The following MAGI2 variants were observed in gnomAD, a reference collection of about 807,000 sequenced individuals.
The protein encoded by MAGI2 is membrane associated guanylate kinase, WW and PDZ domain containing 2, also known as membrane-associated guanylate kinase, WW and PDZ domain-containing protein 2.
MAGI2 carries 35 observed loss-of-function variants against 133.3 expected under a neutral mutation model. The ratio of observed to expected loss-of-function variants is 0.26; its 90% CI spans 0.20 to 0.35. The LOEUF (loss-of-function observed/expected upper bound fraction) is 0.35, where lower values mean the gene tolerates loss of function less well. Ranked by LOEUF, MAGI2 falls within the 10% of genes least tolerant of loss-of-function variation. The pLI, the probability that MAGI2 is intolerant of heterozygous loss-of-function variation, is 1.00. For synonymous variants in MAGI2, 729 were observed against 710.6 expected, an observed-to-expected ratio of 1.03 and a Z score of -0.41; for missense variants, 1,636 against 1,863.4, an observed-to-expected ratio of 0.88 and a Z score of 2.25.
chr7:78,143,960 C>A (rs1207430105), intron 16 of MAGI2, among the ~76,000 whole-genome samples: 1 of 139,194 alleles, frequency 7.2e-6, no homozygotes, highest in African/African-American at 2.6e-5. Flanking sequence ...TCTTTTGTTT[C>A]TGTCTTTAAA....
At chr7:78,455,169 GGGT>G (rs1186226644) in intron 6 of MAGI2, among the ~76,000 whole-genome samples, 6 of 137,616 alleles carry the variant, frequency 4.4e-5, no homozygotes, top group Non-Finnish European at 9.0e-5. Flanking sequence ...TGTGGAGGGA[GGGT>G]GGGGCAGGTA....
At chr7:78,601,550 T>G (rs552518161) in intron 3 of MAGI2, among the ~76,000 whole-genome samples, 9 of 152,208 alleles carry the variant, frequency 5.9e-5, no homozygotes, top group Non-Finnish European at 1.5e-5. Flanking sequence ...TTCGAGATAT[T>G]GCAAAAATCC....
chr7:79,205,647 A>T (rs1202945899), intron 1 of MAGI2, among the ~76,000 whole-genome samples: 1 of 151,554 alleles, frequency 6.6e-6, no homozygotes, highest in Non-Finnish European at 1.5e-5. Flanking sequence ...CAAAACTATT[A>T]AAAAAAAGAC....
chr7:78,242,534 C>CT (rs1279783789), intron 10 of MAGI2, among the ~76,000 whole-genome samples: 2 of 152,160 alleles, frequency 1.3e-5, no homozygotes, highest in Non-Finnish European at 1.5e-5. Context: ...GTCATATATG[C>CT]TTTTTTGCTG....
At chr7:78,180,060 G>GTT (rs1472607071) in intron 13 of MAGI2, among the ~76,000 whole-genome samples, 5 of 152,188 alleles carry the variant, frequency 3.3e-5, no homozygotes, top group Admixed American at 2.0e-4. Context: ...ACAAGTTGAG[G>GTT]ATAATACAAC....
chr7:78,071,943 A>G (rs1190841378), intron 21 of MAGI2, among the ~76,000 whole-genome samples: 2 of 152,194 alleles, frequency 1.3e-5, no homozygotes, highest in African/African-American at 4.8e-5. Flanking sequence ...ACTTCCATCA[A>G]CGTGGTCTCT....
intron 16 of MAGI2, among the ~76,000 whole-genome samples, chr7:78,136,691 C>T (rs987428719): frequency 2.6e-5 from 4 of 152,232 alleles, no homozygotes; most frequent in African/African-American, 9.6e-5. Flanking sequence ...CCTATGGAAT[C>T]AGGTACTGCT....
At chr7:79,120,483 A>T (rs569405573) in intron 1 of MAGI2, among the ~76,000 whole-genome samples, 1 of 151,942 alleles carries the variant, frequency 6.6e-6, no homozygotes, top group Non-Finnish European at 1.5e-5. Flanking sequence ...CAACTAAAAA[A>T]CCCTTTACAT....
At chr7:78,595,987 T>C (rs1267677025) in intron 3 of MAGI2, among the ~76,000 whole-genome samples, 1 of 152,196 alleles carries the variant, frequency 6.6e-6, no homozygotes, top group African/African-American at 2.4e-5. Flanking sequence ...TATGCATGAA[T>C]TGGGATCAAA....
At chr7:78,840,696 A>G (rs1792058371) in intron 2 of MAGI2, among the ~76,000 whole-genome samples, 1 of 152,064 alleles carries the variant, frequency 6.6e-6, no homozygotes, top group South Asian at 2.1e-4. Flanking sequence ...AATGTTACCA[A>G]CATCAAAGAG....
intron 9 of MAGI2, among the ~76,000 whole-genome samples, chr7:78,302,713 T>A (rs570106875): frequency 5.9e-5 from 9 of 152,210 alleles, no homozygotes; most frequent in Non-Finnish European, 1.3e-4. Flanking sequence ...TTTAAGGAAC[T>A]CAGTGATATC....
Position 79,080,261 on chromosome 7 carries a change from A to G in MAGI2, c.302-73055T>C, listed in dbSNP as rs978192986. On this transcript the variant is annotated intron_variant, in intron 1 of 21. Transcript: ENST00000354212. ...ATTCATTTTTCGACAGTCCAAAATG[A>G]AATGTACAATCAATGACACAATGTT... Among the ~76,000 whole-genome samples the G allele has an allele frequency of 1.4e-4, 21 of 152,280 alleles. No homozygotes were observed. The South Asian group carries it at 1.7e-3, about 12-fold the overall frequency.
chr7:78,804,617 C>T (rs182440461), intron 2 of MAGI2, among the ~76,000 whole-genome samples: 1,670 of 151,430 alleles, frequency 0.011, 36 homozygotes, highest in African/African-American at 0.037. Context: ...GGCATGGTGG[C>T]GGGCGCCTGT....
chr7:79,235,865 A>T (rs765709313), intron 1 of MAGI2, among the ~76,000 whole-genome samples: 2 of 152,160 alleles, frequency 1.3e-5, no homozygotes, highest in Non-Finnish European at 2.9e-5. Context: ...TTTAGCTAGA[A>T]CTTTGTTTGC....
At chr7:78,794,126 C>A (rs1787401758) in intron 2 of MAGI2, among the ~76,000 whole-genome samples, 1 of 152,178 alleles carries the variant, frequency 6.6e-6, no homozygotes, top group Non-Finnish European at 1.5e-5. Flanking sequence ...ACACTTATAT[C>A]CTTTTTATCC....
intron 1 of MAGI2, among the ~76,000 whole-genome samples, chr7:79,239,032 G>C (rs1012991178): frequency 1.3e-5 from 2 of 152,048 alleles, no homozygotes; most frequent in Admixed American, 1.3e-4. Flanking sequence ...CATTCATTAG[G>C]AAATAATGTT....
chr7:78,351,145 A>G (rs1049645739), intron 7 of MAGI2, among the ~76,000 whole-genome samples: 1 of 152,136 alleles, frequency 6.6e-6, no homozygotes, highest in Non-Finnish European at 1.5e-5. Context: ...GAATAAATAC[A>G]TGAATGGAGC....
intron 2 of MAGI2, among the ~76,000 whole-genome samples, chr7:78,954,288 C>T (rs1802116897): frequency 6.6e-6 from 1 of 152,080 alleles, no homozygotes; most frequent in Admixed American, 6.6e-5. Context: ...CTGTAATATG[C>T]TTCTTTTTCA....
chr7:79,074,739 G>A (rs539147986), intron 1 of MAGI2, among the ~76,000 whole-genome samples: 4 of 152,256 alleles, frequency 2.6e-5, no homozygotes, highest in Non-Finnish European at 2.9e-5. Flanking sequence ...ACATGTTGTC[G>A]GAAAGTCAAA....
Sources: gnomAD v4.1 joint callset for allele counts (sites outside exome capture counted in the v4.1 genomes callset) on GRCh38, gnomAD v4.1.1 for gene constraint, MANE v1.5 for transcripts, NCBI Gene and HGNC (gene_info 2026-07-23, HGNC 2026-07-21) for gene names.